Variants in NREP observed in about 807,000 individuals in gnomAD.
NREP encodes neuronal regeneration-related protein.
Under a neutral mutation model 8.6 loss-of-function variants are expected in NREP, and 5 were observed. The observed-to-expected ratio is 0.58, with a 90% confidence interval of 0.30 to 1.22. The LOEUF is 1.22. Among genes scored for constraint, NREP ranks in the 50% most tolerant of loss-of-function variants. NREP has a pLI of 0.07. For synonymous variants in NREP, 27 were observed against 28.0 expected, an observed-to-expected ratio of 0.96 and a Z score of 0.11; for missense variants, 86 against 82.5, an observed-to-expected ratio of 1.04 and a Z score of -0.17.
intron 2 of NREP, among the ~76,000 whole-genome samples, chr5:111,821,186 T>C (rs942406230): frequency 2.0e-5 from 3 of 152,220 alleles, no homozygotes; most frequent in African/African-American, 7.2e-5. Context: ...CTGGTACCTC[T>C]AAGAGCTGTG....
At chr5:111,869,189 A>C (rs900790170) in intron 2 of NREP, among the ~76,000 whole-genome samples, 8 of 152,176 alleles carry the variant, frequency 5.3e-5, no homozygotes, top group African/African-American at 7.2e-5. Context: ...TAGATATAGA[A>C]TCTCCACACT....
intron 2 of NREP, among the ~76,000 whole-genome samples, chr5:111,898,300 G>C (rs1754562182): frequency 6.6e-6 from 1 of 152,124 alleles, no homozygotes; most frequent in Non-Finnish European, 1.5e-5. Context: ...TGGTAATTCA[G>C]AGGTGGTAAA....
At chr5:111,961,663 A>G (rs1308823177) in intron 2 of NREP, among the ~76,000 whole-genome samples, 1 of 152,186 alleles carries the variant, frequency 6.6e-6, no homozygotes, top group Non-Finnish European at 1.5e-5. Flanking sequence ...AAGTGACCCT[A>G]TAGTTCCTGC....
At chr5:111,820,857 T>C (rs889563880) in intron 2 of NREP, among the ~76,000 whole-genome samples, 22 of 152,296 alleles carry the variant, frequency 1.4e-4, no homozygotes, top group Admixed American at 5.2e-4. Context: ...CAATTAATGA[T>C]GTTGCCTAAA....
intron 2 of NREP, among the ~76,000 whole-genome samples, chr5:111,915,814 G>A (rs1237597732): frequency 1.3e-5 from 2 of 152,028 alleles, no homozygotes; most frequent in Non-Finnish European, 2.9e-5. Context: ...AAAAATGCTA[G>A]CAGCAATGAA....
At chr5:111,962,622 A>ACT (rs1756510370) in intron 2 of NREP, among the ~76,000 whole-genome samples, 1 of 151,926 alleles carries the variant, frequency 6.6e-6, no homozygotes, top group Non-Finnish European at 1.5e-5. Context: ...CTGTTTGCCC[A>ACT]CTCTCTCTCA....
chr5:111,852,323 G>A (rs1233125563), intron 2 of NREP, among the ~76,000 whole-genome samples: 1 of 152,078 alleles, frequency 6.6e-6, no homozygotes, highest in African/African-American at 2.4e-5. Flanking sequence ...CTCTAAGAGG[G>A]CCTCAGAATT....
chr5:111,811,955 G>A lies in NREP; in HGVS notation c.136-76448C>T, dbSNP rs1752279945. 2.6e-5 allele frequency among the ~76,000 whole-genome samples: 4 copies of A among 152,180 alleles called. No individual in the cohort carries two copies. The South Asian group carries it at 8.3e-4, about 32-fold the overall frequency. On this transcript the variant is annotated intron_variant, in intron 2 of 3. Transcript: ENST00000395634. ...AATTGGATGAAATTGGATTCGACTT[G>A]TTTCATCTCAATTTGGTCCCTGAAA...
At chr5:111,936,878 A>G (rs141814207) in intron 2 of NREP, among the ~76,000 whole-genome samples, 316 of 152,182 alleles carry the variant, frequency 2.1e-3, no homozygotes, top group African/African-American at 7.2e-3. Context: ...TTTGTCTAAC[A>G]CAAGGTGCTA....
In NREP at chr5:111,849,480, T is replaced by C. The variant is rs148581975; in HGVS notation, c.136-113973A>G. On this transcript the variant is annotated intron_variant, in intron 2 of 3. Coordinates refer to the NREP transcript ENST00000395634. ...TATCTTAAAAGCACTGAGGAGCCAA[T>C]GAAAGCTTTAAGCAGAGGAGTAACA... is the stretch of plus-strand genomic sequence containing the variant. 2.2e-3 allele frequency among the ~76,000 whole-genome samples: 329 copies of C among 152,236 alleles called. 1 individual carries two copies. The highest frequency in any genetic ancestry group is 3.6e-3 in the Non-Finnish European group (245 of 67,998).
At chr5:111,875,159 AT>A (rs1198925659) in intron 2 of NREP, among the ~76,000 whole-genome samples, 2 of 152,138 alleles carry the variant, frequency 1.3e-5, no homozygotes, top group South Asian at 2.1e-4. Context: ...ACCAAAAGCG[AT>A]TTTTTCCCTT....
At chr5:111,828,214 G>C (rs529906493) in intron 2 of NREP, among the ~76,000 whole-genome samples, 1 of 152,202 alleles carries the variant, frequency 6.6e-6, no homozygotes, top group East Asian at 1.9e-4. Flanking sequence ...ATTTTTAGTA[G>C]AGATGGGGTT....
chr5:111,797,249 G>A (rs902721624), intron 2 of NREP, among the ~76,000 whole-genome samples: 2 of 152,136 alleles, frequency 1.3e-5, no homozygotes, highest in African/African-American at 2.4e-5. Flanking sequence ...CTATGCAAGT[G>A]TCAGAGAAAA....
At chr5:111,758,942 T>G (rs1479761194), upstream of NREP, among the ~76,000 whole-genome samples, 1 of 152,196 alleles carries the variant, frequency 6.6e-6, no homozygotes, top group African/African-American at 2.4e-5. Context: ...ACTGAAAGCT[T>G]CTCTGAATTA....
intron 2 of NREP, among the ~76,000 whole-genome samples, chr5:111,861,907 A>G (rs765372965): frequency 6.6e-6 from 1 of 152,098 alleles, no homozygotes; most frequent in Non-Finnish European, 1.5e-5. Flanking sequence ...TACATCATTC[A>G]AATATCAAGT....
intron 2 of NREP, among the ~76,000 whole-genome samples, chr5:111,773,132 C>A (rs901889741): frequency 2.3e-4 from 35 of 152,010 alleles, no homozygotes; most frequent in Admixed American, 3.9e-4. Context: ...ATTCTCTGAG[C>A]CTTTTTTTTT....
chr5:111,890,315 G>C (rs1052996674), intron 2 of NREP, among the ~76,000 whole-genome samples: 2 of 152,208 alleles, frequency 1.3e-5, no homozygotes, highest in Non-Finnish European at 2.9e-5. Context: ...TGCCCCTATG[G>C]CTTTGTACTG....
At chr5:111,879,325 G>T (rs1753989391) in intron 2 of NREP, among the ~76,000 whole-genome samples, 1 of 152,320 alleles carries the variant, frequency 6.6e-6, no homozygotes. Context: ...GACGAACACA[G>T]TGTTCTAGGA....
intron 2 of NREP, among the ~76,000 whole-genome samples, chr5:111,803,001 G>GA (rs1417021043): frequency 6.6e-6 from 1 of 152,004 alleles, no homozygotes; most frequent in Non-Finnish European, 1.5e-5. Flanking sequence ...AATGATGAAA[G>GA]AAAAAAACTG....
Sources: allele counts gnomAD v4.1 joint callset (sites outside exome capture counted in the v4.1 genomes callset), GRCh38; gene constraint gnomAD v4.1.1; transcripts MANE v1.5; gene names NCBI Gene and HGNC (gene_info 2026-07-23, HGNC 2026-07-21).